Variants in SPTA1 observed in about 807,000 individuals in gnomAD.
The protein encoded by SPTA1 is spectrin alpha chain, erythrocytic 1.
Under a neutral mutation model 324.7 loss-of-function variants are expected in SPTA1, and 177 were observed. The ratio of observed to expected loss-of-function variants is 0.55; its 90% CI spans 0.48 to 0.62. The LOEUF (loss-of-function observed/expected upper bound fraction) is 0.62, where lower values mean the gene tolerates loss of function less well. Ranked by LOEUF, SPTA1 falls within the 20% of genes least tolerant of loss-of-function variation. The pLI, the probability that SPTA1 is intolerant of heterozygous loss-of-function variation, is 0.00. For synonymous variants in SPTA1, 1,195 were observed against 1,041.3 expected, an observed-to-expected ratio of 1.15 and a Z score of -2.84; for missense variants, 3,162 against 2,883.6, an observed-to-expected ratio of 1.10 and a Z score of -2.21.
intron 5 of SPTA1, among the ~76,000 whole-genome samples, chr1:158,680,145 A>G (rs1654692721): frequency 6.6e-6 from 1 of 152,132 alleles, no homozygotes; most frequent in African/African-American, 2.4e-5. Flanking sequence ...CTCCGAAATA[A>G]TCTTGTATAA....
At chr1:158,627,753 T>C in intron 39 of SPTA1, 30 bp from the exon 40 acceptor site, 2 of 1,598,610 alleles carry the variant, frequency 1.3e-6, no homozygotes, top group Non-Finnish European at 1.7e-6. Flanking sequence ...AGAATTAAGA[T>C]ATCCAAAGCC....
At chr1:158,614,397 T>C in intron 48 of SPTA1, 91 bp from the exon 49 acceptor site, 1 of 943,794 alleles carries the variant, frequency 1.1e-6, no homozygotes, top group Non-Finnish European at 1.7e-6. Context: ...GGAATTTTAA[T>C]GGACAATTTG....
intron 40 of SPTA1, 120 bp downstream of exon 40, chr1:158,627,505 T>A: frequency 1.0e-6 from 1 of 960,230 alleles, no homozygotes; most frequent in Admixed American, 1.8e-5. Flanking sequence ...TAGAAGAGAT[T>A]GTTAAAGTTC....
intron 25 of SPTA1, among the ~76,000 whole-genome samples, chr1:158,649,207 T>C (rs548332272): frequency 3.3e-5 from 5 of 152,344 alleles, no homozygotes; most frequent in African/African-American, 1.2e-4. Context: ...TGATGTCTGT[T>C]GCCCTCTACT....
Position 158,680,721 on chromosome 1 carries a change from T to C in SPTA1, c.540A>G (p.Ile180Met), listed in dbSNP as rs982426488. Residue 180 changes from isoleucine to methionine, a missense_variant, in exon 5 of 52, where the codon ATA (isoleucine) becomes ATG (methionine). Ile to Met is a conservative substitution (Grantham distance 10). Transcript: ENST00000643759. The stretch of plus-strand genomic sequence containing the variant: ...CTTCACCTAGCTCCACTGATGTCGC[T>C]ATAGCCTCCTGTAGACACAGAAGTT... ...ILEWIGDKEA[I>M]ATSVELGEDW... 1.2e-6 allele frequency: 2 copies of C among 1,613,558 alleles called. No individual in the cohort carries two copies. The highest frequency in any genetic ancestry group is 3.3e-5 in the Admixed American group (2 of 59,918).
chr1:158,627,475 A>C (rs964080754), intron 40 of SPTA1, 150 bp downstream of exon 40: 6 of 772,620 alleles, frequency 7.8e-6, no homozygotes, highest in African/African-American at 5.2e-5. Flanking sequence ...TGCTAACCAC[A>C]ACAACAACAA....
At chr1:158,643,015 C>T (rs770362251) in intron 31 of SPTA1, 39 bp from the exon 32 acceptor site, 10 of 1,611,986 alleles carry the variant, frequency 6.2e-6, no homozygotes, top group Non-Finnish European at 4.2e-6. Context: ...CCCTCCTCCA[C>T]CCTTCCCATG....
At chr1:158,648,847 T>C (rs1161879475) in intron 25 of SPTA1, among the ~76,000 whole-genome samples, 194 bp from the exon 26 acceptor site, 1 of 138,350 alleles carries the variant, frequency 7.2e-6, no homozygotes, top group East Asian at 2.2e-4. Context: ...CCAAGAAGCA[T>C]AGTTACTATT....
At chr1:158,654,787 G>T in intron 20 of SPTA1, 39 bp from the exon 21 acceptor site, 1 of 1,610,746 alleles carries the variant, frequency 6.2e-7, no homozygotes, top group South Asian at 1.1e-5. Context: ...TCACGCACTG[G>T]AAATATCTCC....
chr1:158,662,828 C>G lies in SPTA1; in HGVS notation c.2338G>C (p.Glu780Gln), dbSNP rs762164952. 57 of 1,613,972 alleles carry G rather than the reference C, an allele frequency of 3.5e-5. No individual in the cohort carries two copies. Among genetic ancestry groups the G allele is most frequent in the Non-Finnish European group, 4.6e-5 (54 of 1,179,992 alleles). The change falls in exon 17 of 52, where the codon GAG becomes CAG. Residue 780 changes from glutamate (E) to glutamine (Q), a missense_variant. Glu to Gln is a conservative substitution (Grantham distance 29, BLOSUM62 2). Coordinates refer to ENST00000643759, the MANE Select transcript of SPTA1 (RefSeq NM_003126.4). ...TTCTTCTTTCGGGTGGCCAGTGGCT[C>G]TTTCAGAGCTTCAAATCGGCATACC... ...SLVCRFEALK[E>Q]PLATRKKKLL...
At chr1:158,655,090 T>C (rs939505393) in intron 20 of SPTA1, among the ~76,000 whole-genome samples, 1 of 152,118 alleles carries the variant, frequency 6.6e-6, no homozygotes, top group African/African-American at 2.4e-5. Context: ...ATTATACACA[T>C]CAACATTTCA....
Position 158,654,648 on chromosome 1 carries a change from T to G in SPTA1, c.2999A>C (p.Lys1000Thr). The change falls in exon 21 of 52, where the codon AAA becomes ACA. Residue 1000 changes from lysine to threonine, a missense_variant. By Grantham distance (78) the Lys-to-Thr change is moderately conservative. Transcript: ENST00000643759. ...ARSPREVTMK[K>T]GDVLTLLSSI... is the part of the protein sequence containing the mutation. ...ACTGAGCAGCGTTAAGACATCACCT[T>G]TCTTCATGGTGACTTCTCGGGGGCT... 6.2e-7 allele frequency: 1 copy of G among 1,613,956 alleles called. No individual in the cohort carries two copies. Among genetic ancestry groups the G allele is most frequent in the Non-Finnish European group, 8.5e-7 (1 of 1,179,978 alleles).
chr1:158,668,613 G>A lies in SPTA1; in HGVS notation c.1834-551C>T, dbSNP rs111339988. ...AAAATAAACACTTTCAATAGATACC[G>A]GCCTAGAAATCAAAAGCCTAATTCT... On this transcript the variant is annotated intron_variant, in intron 14 of 51. Coordinates refer to ENST00000643759, the MANE Select transcript of SPTA1 (RefSeq NM_003126.4). Among the ~76,000 whole-genome samples the A allele has an allele frequency of 5.7e-3, 869 of 152,186 alleles. 5 individuals are homozygous for A. The highest frequency in any genetic ancestry group is 0.019 in the African/African-American group (802 of 41,524).
rs887610101 is a variant in SPTA1, at chr1:158,626,779, A to G, written c.5833+60T>C. 30 of 1,606,846 alleles carry G rather than the reference A, an allele frequency of 1.9e-5. No homozygotes were observed. In the African/African-American group the frequency reaches 3.7e-4, roughly 20 times the overall value. The stretch of plus-strand genomic sequence containing the variant: ...AAAAGTCCCAGAGACCATTCTACAC[A>G]TGGATGGGATTTATTAGGGTTTCTC... On this transcript the variant is annotated intron_variant, in intron 41 of 51. Coordinates refer to ENST00000643759, the MANE Select transcript of SPTA1 (RefSeq NM_003126.4).
At chr1:158,680,419 C>A (rs1450183229) in intron 5 of SPTA1, among the ~76,000 whole-genome samples, 164 bp downstream of exon 5, 1 of 152,108 alleles carries the variant, frequency 6.6e-6, no homozygotes, top group Non-Finnish European at 1.5e-5. Flanking sequence ...AGGGGTGGGT[C>A]CAGAGGGGAG....
intron 41 of SPTA1, 80 bp from the exon 42 acceptor site, chr1:158,626,302 A>T: frequency 7.7e-7 from 1 of 1,301,826 alleles, no homozygotes. Context: ...AATATTTACA[A>T]CACACAACAA....
At position 158,612,164 on chromosome 1, in the gene SPTA1, A is replaced by G. The variant is rs975568850; in HGVS notation, c.7134+653T>C. ...CTTACCTTATGCTTTAGGTATTAGG[A>G]AAATCTGTTTTCTCAAGTTCCTTTG... is the stretch of plus-strand genomic sequence containing the variant. On this transcript the variant is annotated intron_variant, in intron 51 of 51. Coordinates refer to ENST00000643759, the MANE Select transcript of SPTA1 (RefSeq NM_003126.4). 3.1e-4 allele frequency: 48 copies of G among 154,726 alleles called. 2 individuals are homozygous for G. Among genetic ancestry groups the G allele is most frequent in the Non-Finnish European group, 1.4e-5 (1 of 69,926 alleles). 9.6% of individuals were successfully genotyped at this position (154,726 alleles called of 1,614,324 possible). A position where few individuals can be genotyped will look rare whatever the true frequency, so the allele number is the denominator to read the frequency against.
intron 39 of SPTA1, among the ~76,000 whole-genome samples, chr1:158,631,989 C>A (rs1044834610): frequency 1.3e-5 from 2 of 152,098 alleles, no homozygotes; most frequent in Non-Finnish European, 2.9e-5. Context: ...AAGATATTAG[C>A]ATCCATATGT....
intron 42 of SPTA1, among the ~76,000 whole-genome samples, chr1:158,624,915 A>G (rs542038056): frequency 3.9e-5 from 6 of 152,358 alleles, no homozygotes; most frequent in Admixed American, 3.9e-4. Context: ...AAGGCCACAG[A>G]GGCAAAGTGA....
Sources: gnomAD v4.1 joint callset for allele counts (sites outside exome capture counted in the v4.1 genomes callset) on GRCh38, gnomAD v4.1.1 for gene constraint, MANE v1.5 for transcripts, NCBI Gene and HGNC (gene_info 2026-07-23, HGNC 2026-07-21) for gene names.